FAM53A: variants seen among roughly 807,000 people sequenced by gnomAD.
FAM53A encodes the protein family with sequence similarity 53 member A.
FAM53A carries 28 observed loss-of-function variants against 26.6 expected under a neutral mutation model. The observed-to-expected ratio is 1.05, with a 90% CI of 0.78 to 1.45. The LOEUF is 1.45. Ranked by LOEUF, FAM53A falls within the 40% of genes most tolerant of loss-of-function variation. The pLI is 0.00. For synonymous variants in FAM53A, 290 were observed against 253.1 expected, an observed-to-expected ratio of 1.15 and a Z score of -1.38; for missense variants, 650 against 575.8, an observed-to-expected ratio of 1.13 and a Z score of -1.32.
intron 1 of FAM53A, chr4:1,683,363 T>C (rs1321400621): frequency 6.6e-6 from 1 of 152,240 alleles, no homozygotes; most frequent in African/African-American, 2.4e-5. Context: ...TATGTTCAGG[T>C]TAAATTTCTT....
At chr4:1,621,951 A>G (rs73795183) in intron 1 of FAM53A, among the ~76,000 whole-genome samples, 6,167 of 152,184 alleles carry the variant, frequency 0.041, 385 homozygotes, top group African/African-American at 0.14. Context: ...GTCGGACGGC[A>G]CCGCATTCAT....
Position 1,668,923 on chromosome 4 carries a change from G to T in FAM53A, c.-164-18C>A. On this transcript the variant is annotated intron_variant, in intron 1 of 4. Transcript: ENST00000308132. ...ATTTGTGCCTGTTTCTCAGAAGAGAGAAATCATCATGTGATTATACGCAAA... is the reference window on the plus strand; with the variant it reads ...ATTTGTGCCTGTTTCTCAGAAGAGATAAATCATCATGTGATTATACGCAAA... 2 of 564,954 alleles carry T rather than the reference G, an allele frequency of 3.5e-6. No homozygotes were observed. Among genetic ancestry groups the T allele is most frequent in the South Asian group, 5.0e-5 (2 of 39,946 alleles). 35.0% of individuals were successfully genotyped at this position (564,954 alleles called of 1,614,324 possible).
the FAM53A span, among the ~76,000 whole-genome samples, chr4:1,601,293 CG>C: frequency 1.0e-3 from 51 of 48,832 alleles, 13 homozygotes; most frequent in African/African-American, 2.3e-3. Context: ...CACTGCTTTC[CG>C]GGGGCCCCCC....
chr4:1,618,103 T>G, exon 2 of FAM53A: 1 of 456,350 alleles, frequency 2.2e-6, no homozygotes. Context: ...AAACAGTCCG[T>G]GAGGCAACCT....
chr4:1,624,490 C>A (rs1460753382), intron 1 of FAM53A, among the ~76,000 whole-genome samples: 1 of 152,182 alleles, frequency 6.6e-6, no homozygotes, highest in African/African-American at 2.4e-5. Flanking sequence ...AGGAACAAGG[C>A]CCAGAAGGAC....
chr4:1,636,774 C>T (rs1299084543), downstream of FAM53A, among the ~76,000 whole-genome samples: 2 of 152,246 alleles, frequency 1.3e-5, no homozygotes, highest in East Asian at 1.9e-4. Flanking sequence ...TCTGCCAGAC[C>T]AGGCATCGGG....
At chr4:1,599,178 A>G in the FAM53A span, among the ~76,000 whole-genome samples, 1 of 142,232 alleles carries the variant, frequency 7.0e-6, no homozygotes, top group Non-Finnish European at 1.5e-5. This position sits in a 1 kb window ranked among gnomAD's most constrained non-coding sequence, Gnocchi z 6.1. Flanking sequence ...GTCGGCTCCA[A>G]CCCCGCCCGG....
chr4:1,657,782 C>T (rs1968621), intron 2 of FAM53A, among the ~76,000 whole-genome samples: 5,369 of 147,600 alleles, frequency 0.036, 315 homozygotes, highest in African/African-American at 0.12. Flanking sequence ...GGACTACAGG[C>T]GCCCACCACC....
At chr4:1,618,721 G>A (rs1196704972) in intron 1 of FAM53A, among the ~76,000 whole-genome samples, 1 of 152,174 alleles carries the variant, frequency 6.6e-6, no homozygotes, top group East Asian at 1.9e-4. Context: ...CCAGGAAAAC[G>A]TGGCTGGAGG....
chr4:1,595,226 C>A, the FAM53A span, among the ~76,000 whole-genome samples: 1 of 152,246 alleles, frequency 6.6e-6, no homozygotes, highest in African/African-American at 2.4e-5. Context: ...AGGCTCTGGA[C>A]GGCCACAGGG....
At chr4:1,666,776 C>A (rs985108756) in intron 2 of FAM53A, among the ~76,000 whole-genome samples, 3 of 152,256 alleles carry the variant, frequency 2.0e-5, no homozygotes, top group Non-Finnish European at 4.4e-5. Context: ...CTGAGGTGGG[C>A]GGATCACTGA....
chr4:1,646,449 G>T (rs1284312999), intron 4 of FAM53A, among the ~76,000 whole-genome samples: 5 of 152,096 alleles, frequency 3.3e-5, no homozygotes, highest in African/African-American at 4.8e-5. Context: ...CGTCGTCGGG[G>T]GTATTTTGTT....
chr4:1,668,587 C>T, intron 2 of FAM53A, 80 bp downstream of exon 2: 1 of 1,546,202 alleles, frequency 6.5e-7, no homozygotes, highest in South Asian at 1.1e-5. Flanking sequence ...TAGCCCTCAC[C>T]TCCACCTCCC....
At chr4:1,631,983 T>A (rs910628238) in intron 1 of FAM53A, among the ~76,000 whole-genome samples, 2 of 151,980 alleles carry the variant, frequency 1.3e-5, no homozygotes, top group Non-Finnish European at 2.9e-5. Flanking sequence ...GCCAACATGA[T>A]GAAACCCCGT....
intron 1 of FAM53A, among the ~76,000 whole-genome samples, chr4:1,669,465 G>C (rs1409911159): frequency 6.6e-6 from 1 of 152,218 alleles, no homozygotes; most frequent in African/African-American, 2.4e-5. Flanking sequence ...GAGCTCTCCA[G>C]CCTCAGGAGT....
chr4:1,683,900 G>A (rs1324834860), intron 1 of FAM53A: 1 of 152,238 alleles, frequency 6.6e-6, no homozygotes, highest in Non-Finnish European at 1.5e-5. Flanking sequence ...CGGGTCGCCG[G>A]GGAAGTCTGG....
rs147016785 is a variant in FAM53A, at chr4:1,663,116, G to A, written c.75+5551C>T. On this transcript the variant is annotated intron_variant, in intron 2 of 4. Transcript: ENST00000308132. ...TGGGAGGCTGAGGCGTGAGAATGGC[G>A]TGAACCTGGGAGGCAGAGTGAGCCG... Among the ~76,000 whole-genome samples the A allele has an allele frequency of 1.4e-4, 21 of 151,976 alleles. No homozygotes were observed. In the East Asian group the frequency reaches 2.7e-3, roughly 20 times the overall value.
chr4:1,607,584 C>T, the FAM53A span, among the ~76,000 whole-genome samples: 1 of 151,434 alleles, frequency 6.6e-6, no homozygotes, highest in Non-Finnish European at 1.5e-5. Flanking sequence ...GGCCGCCCCC[C>T]CACCACTGAT....
chr4:1,658,003 A>G (rs1713534537), intron 2 of FAM53A, among the ~76,000 whole-genome samples: 2 of 150,554 alleles, frequency 1.3e-5, no homozygotes, highest in Admixed American at 1.3e-4. Flanking sequence ...GTTAACACTA[A>G]GCAGACTTTT....
Sources: gnomAD v4.1 joint callset for allele counts (sites outside exome capture counted in the v4.1 genomes callset) on GRCh38, gnomAD v4.1.1 for gene constraint, Gnocchi (gnomAD v3.1) non-coding constraint, MANE v1.5 for transcripts, NCBI Gene and HGNC (gene_info 2026-07-23, HGNC 2026-07-21) for gene names.